The following STARD9 variants were observed in gnomAD, a reference collection of about 807,000 sequenced individuals.
The protein encoded by STARD9 is stAR-related lipid transfer protein 9.
STARD9 carries 346 observed loss-of-function variants against 399.8 expected under a neutral mutation model. The ratio of observed to expected loss-of-function variants is 0.87; its 90% CI spans 0.79 to 0.95. The LOEUF (loss-of-function observed/expected upper bound fraction) is 0.95. Ranked by LOEUF, STARD9 falls within the 40% of genes least tolerant of loss-of-function variation. The probability of loss-of-function intolerance (pLI) is 0.00; values close to 1 mark genes in which losing one functional copy is unlikely to be tolerated. For synonymous variants in STARD9, 2,203 were observed against 2,143.5 expected (o/e 1.03, Z -0.77); for missense variants, 5,832 against 5,667.5 (o/e 1.03, Z -0.93).
chr15:42,697,576 C>T (rs2060870966), intron 26 of STARD9, among the ~76,000 whole-genome samples: 4 of 152,138 alleles, frequency 2.6e-5, no homozygotes, highest in Admixed American at 2.6e-4. Flanking sequence ...AAGTCTAAAA[C>T]GTTTTGAGCA....
At chr15:42,622,980 G>C (rs750858003) in intron 3 of STARD9, among the ~76,000 whole-genome samples, 6 of 152,112 alleles carry the variant, frequency 3.9e-5, no homozygotes, top group African/African-American at 1.4e-4. Context: ...GGCCAGGCGT[G>C]GTAGCTCACG....
At position 42,690,427 on chromosome 15, in the gene STARD9, C is replaced by G. The variant is rs760896123; in HGVS notation, c.8849C>G (p.Thr2950Ser). 1 of 1,537,222 alleles carries G rather than the reference C, an allele frequency of 6.5e-7. No individual in the cohort carries two copies. The highest frequency in any genetic ancestry group is 8.7e-7 in the Non-Finnish European group (1 of 1,146,904). Residue 2950 changes from threonine to serine, a missense_variant, in exon 23 of 33, where the codon ACT (threonine) becomes AGT (serine). Thr to Ser is a moderately conservative substitution (Grantham distance 58). Coordinates refer to ENST00000290607, the MANE Select transcript of STARD9 (RefSeq NM_020759.3). ...LSPSRGKESRTLPCRQPCSSQ... is the reference protein window; with the variant it reads ...LSPSRGKESRSLPCRQPCSSQ... ...CCGTCTAGAGGGAAAGAGAGCAGAA[C>G]TCTTCCTTGCCGACAGCCATGCAGT...
intron 3 of STARD9, among the ~76,000 whole-genome samples, chr15:42,622,384 T>C (rs1452880164): frequency 1.3e-5 from 2 of 152,198 alleles, no homozygotes; most frequent in African/African-American, 4.8e-5. Flanking sequence ...TCTCTTTTTT[T>C]AGAGACAGGG....
intron 1 of STARD9, among the ~76,000 whole-genome samples, chr15:42,576,484 G>A (rs747639440): frequency 5.3e-5 from 8 of 152,196 alleles, no homozygotes; most frequent in Non-Finnish European, 8.8e-5. Context: ...GACAGGTGGA[G>A]AGAGTTTAAA....
intron 6 of STARD9, 25 bp downstream of exon 6, chr15:42,638,112 C>T (rs776204693): frequency 2.2e-5 from 33 of 1,528,896 alleles, no homozygotes; most frequent in Non-Finnish European, 2.8e-5. Context: ...AGCTCTGGGA[C>T]CTACAGTAGT....
In STARD9 at chr15:42,684,961, A is replaced by G. The variant is rs1330597095; in HGVS notation, c.3383A>G (p.Glu1128Gly). 16 of 1,536,964 alleles carry G rather than the reference A, an allele frequency of 1.0e-5. No individual in the cohort carries two copies. The highest frequency in any genetic ancestry group is 1.2e-5 in the Non-Finnish European group (14 of 1,146,938). Residue 1128 changes from glutamate to glycine, a missense_variant, in exon 23 of 33, where the codon GAG becomes GGG. Physicochemically the swap from Glu to Gly is moderately conservative, Grantham distance 98. Coordinates refer to ENST00000290607, the MANE Select transcript of STARD9 (RefSeq NM_020759.3). ...CTGATAGAGCCACTGAAGCCAGAGG[A>G]GAGGAAATGGGATTTCCCAGAGCCA... Reference protein sequence around the residue: ...KALIEPLKPEERKWDFPEPEN... With the variant: ...KALIEPLKPEGRKWDFPEPEN...
chr15:42,575,877 G>C, intron 1 of STARD9, 115 bp downstream of exon 1: 1 of 1,151,468 alleles, frequency 8.7e-7, no homozygotes, highest in Non-Finnish European at 1.2e-6. Context: ...AAAGTGACCC[G>C]GGGGGTCGGG....
chr15:42,576,534 T>TA (rs752080849), intron 1 of STARD9, among the ~76,000 whole-genome samples: 15 of 152,100 alleles, frequency 9.9e-5, no homozygotes, highest in South Asian at 4.1e-4. Context: ...GCAAAGGACT[T>TA]AGACTGTAAG....
chr15:42,697,688 CTA>C (rs2060873739), intron 26 of STARD9, among the ~76,000 whole-genome samples: 2 of 152,122 alleles, frequency 1.3e-5, no homozygotes, highest in Admixed American at 1.3e-4. Flanking sequence ...ATTTAAAACA[CTA>C]TATGAAATTA....
At chr15:42,587,580 T>G (rs1319040560) in intron 3 of STARD9, among the ~76,000 whole-genome samples, 2 of 152,100 alleles carry the variant, frequency 1.3e-5, no homozygotes, top group Non-Finnish European at 2.9e-5. Context: ...TTTTATTTTT[T>G]GGGGGGATGG....
At chr15:42,588,148 T>C (rs2058316979) in intron 3 of STARD9, among the ~76,000 whole-genome samples, 1 of 152,146 alleles carries the variant, frequency 6.6e-6, no homozygotes, top group South Asian at 2.1e-4. Flanking sequence ...ATTAACTATT[T>C]TGTATAACAT....
intron 9 of STARD9, among the ~76,000 whole-genome samples, chr15:42,660,396 C>G (rs991362297): frequency 6.6e-6 from 1 of 151,774 alleles, no homozygotes; most frequent in African/African-American, 2.4e-5. Flanking sequence ...GAAACCCTGT[C>G]TCTGCTAAAA....
intron 9 of STARD9, among the ~76,000 whole-genome samples, chr15:42,655,385 A>G (rs554684437): frequency 6.6e-6 from 1 of 152,260 alleles, no homozygotes; most frequent in Non-Finnish European, 1.5e-5. Context: ...GGACAAAAAC[A>G]GGCATATAGA....
intron 7 of STARD9, 84 bp downstream of exon 7, chr15:42,638,896 G>A (rs2059476832): frequency 1.4e-6 from 1 of 736,326 alleles, no homozygotes; most frequent in Non-Finnish European, 2.2e-6. Context: ...TTGAACATAG[G>A]TGTAATGAAC....
intron 26 of STARD9, among the ~76,000 whole-genome samples, chr15:42,708,012 G>C (rs2061127684): frequency 6.7e-6 from 1 of 148,450 alleles, no homozygotes. Context: ...AAAAAAGCCA[G>C]GGTGGTGCTG....
At chr15:42,592,707 G>A (rs777543480) in intron 3 of STARD9, among the ~76,000 whole-genome samples, 1 of 151,962 alleles carries the variant, frequency 6.6e-6, no homozygotes, top group Admixed American at 6.6e-5. Flanking sequence ...GCCTCCCAAA[G>A]TGCTGGGATT....
intron 26 of STARD9, among the ~76,000 whole-genome samples, chr15:42,715,027 C>T (rs2061324859): frequency 6.6e-6 from 1 of 151,080 alleles, no homozygotes; most frequent in Non-Finnish European, 1.5e-5. Context: ...GGGCCTAGGC[C>T]TGAATTTTGA....
At chr15:42,586,458 A>G (rs1278321028) in intron 3 of STARD9, among the ~76,000 whole-genome samples, 1 of 152,072 alleles carries the variant, frequency 6.6e-6, no homozygotes, top group Non-Finnish European at 1.5e-5. Context: ...GGTCTACAGG[A>G]CTTCTCTGTT....
rs2060759956 is a variant in STARD9, at chr15:42,693,326, C to A, written c.11748C>A (p.Gly3916=). ...ASTQEPGLSP[G]SLTLSAPSTH... ...CCCAAGAGCCGGGTCTTTCCCCAGG[C>A]TCTTTGACCCTCTCAGCCCCTTCAA... Residue 3916 remains glycine (G), a synonymous_variant, in exon 23 of 33, where the codon GGC becomes GGA. Coordinates refer to ENST00000290607, the MANE Select transcript of STARD9 (RefSeq NM_020759.3). The A allele has an allele frequency of 1.3e-6, 2 of 1,537,184 alleles. No individual in the cohort carries two copies. The highest frequency in any genetic ancestry group is 8.7e-7 in the Non-Finnish European group (1 of 1,146,918).
Sources: allele counts gnomAD v4.1 joint callset (sites outside exome capture counted in the v4.1 genomes callset), GRCh38; gene constraint gnomAD v4.1.1; transcripts MANE v1.5; gene names NCBI Gene and HGNC (gene_info 2026-07-23, HGNC 2026-07-21).